CFAP58: variants seen among roughly 807,000 people sequenced by gnomAD.
CFAP58 encodes the protein cilia- and flagella-associated protein 58.
CFAP58 carries 88 observed loss-of-function variants against 119.5 expected under a neutral mutation model. That is an observed-to-expected ratio of 0.74 (90% confidence interval 0.62 to 0.88). The LOEUF is 0.88. Ranked by LOEUF, CFAP58 falls within the 40% of genes least tolerant of loss-of-function variation. CFAP58 has a pLI of 0.00. For missense variants in CFAP58, 990 were observed against 1,021.2 expected, an observed-to-expected ratio of 0.97 and a Z score of 0.42; for synonymous variants, 365 against 366.3, an observed-to-expected ratio of 1.00 and a Z score of 0.04.
rs199575748 is a variant in CFAP58, at chr10:104,438,337, T to TG, written c.2257-9361_2257-9360insG. ...TGGGAATTTTTATTGTTTTTTTGTT[T>TG]TTTGTTTTTTGTTTTTTTTTTTTGT... On this transcript the variant is annotated intron_variant, in intron 15 of 17. Coordinates refer to ENST00000369704, the MANE Select transcript of CFAP58 (RefSeq NM_001008723.2). Among the ~76,000 whole-genome samples, 1,343 of 133,648 alleles carry TG rather than the reference T, an allele frequency of 0.01. 49 individuals are homozygous for TG. The East Asian group carries it at 0.11, about 11-fold the overall frequency. The allele number at this position is 133,648 out of a possible 152,430, so 87.7% of individuals were successfully genotyped here. A position where few individuals can be genotyped will look rare whatever the true frequency, so the allele number is the denominator to read the frequency against.
intron 11 of CFAP58, among the ~76,000 whole-genome samples, chr10:104,396,766 G>A (rs552478856): frequency 1.9e-4 from 29 of 152,180 alleles, no homozygotes; most frequent in Non-Finnish European, 3.7e-4. Context: ...GAAACCTCAG[G>A]TCCCACCTAG....
At chr10:104,375,478 G>A (rs1004136513) in intron 7 of CFAP58, among the ~76,000 whole-genome samples, 10 of 152,150 alleles carry the variant, frequency 6.6e-5, no homozygotes, top group African/African-American at 2.4e-4. Flanking sequence ...CAGCAGTTTG[G>A]CAGGTTGAGA....
chr10:104,356,775 A>G (rs1268428272), intron 1 of CFAP58, among the ~76,000 whole-genome samples: 11 of 152,130 alleles, frequency 7.2e-5, no homozygotes, highest in African/African-American at 2.7e-4. Flanking sequence ...CTATGCTTTC[A>G]TTAACTGCAT....
intron 15 of CFAP58, among the ~76,000 whole-genome samples, chr10:104,443,728 A>G (rs181423709): frequency 7.9e-4 from 121 of 152,246 alleles, no homozygotes; most frequent in South Asian, 1.9e-3. Flanking sequence ...GAGAAACTCA[A>G]TTTCTCCCTC....
intron 15 of CFAP58, 53 bp from the exon 16 acceptor site, chr10:104,447,645 T>C (rs2013130504): frequency 6.2e-7 from 1 of 1,601,296 alleles, no homozygotes; most frequent in Non-Finnish European, 8.5e-7. Context: ...AAAGGCATTT[T>C]CCCTGTTTTG....
At position 104,399,381 on chromosome 10, in the gene CFAP58, C is replaced by T. The variant is rs544826621; in HGVS notation, c.1696C>T (p.Gln566Ter). ...TLKAELQKLR[Q>*]QALETKHFIE... is the part of the protein sequence containing the mutation. ...TCAGGCTGAGCTGCAGAAGCTGAGA[C>T]AACAAGCCCTGGAGACAAAACACTT... The change falls in exon 12 of 18, where the codon CAA becomes TAA. Residue 566 changes from glutamine (Q) to a stop codon, truncating the protein, a stop_gained. Coordinates refer to ENST00000369704, the MANE Select transcript of CFAP58 (RefSeq NM_001008723.2). LOFTEE classifies it high-confidence loss of function. 1 of 1,613,734 alleles carries T rather than the reference C, an allele frequency of 6.2e-7. No individual in the cohort carries two copies. Among genetic ancestry groups the T allele is most frequent in the East Asian group, 2.2e-5 (1 of 44,864 alleles).
At chr10:104,353,759 C>A (rs2014500207), upstream of CFAP58, 3 of 963,298 alleles carry the variant, frequency 3.1e-6, no homozygotes, top group South Asian at 1.6e-5. Flanking sequence ...AGGCGACGGG[C>A]CGACGCGCCG....
At chr10:104,346,194 G>C in the CFAP58 span, among the ~76,000 whole-genome samples, 4 of 151,978 alleles carry the variant, frequency 2.6e-5, no homozygotes, top group Non-Finnish European at 5.9e-5. Flanking sequence ...TGAACTGTTA[G>C]AGTGAGAACT....
chr10:104,401,118 T>A (rs1205361822), intron 13 of CFAP58, among the ~76,000 whole-genome samples: 1 of 152,150 alleles, frequency 6.6e-6, no homozygotes, highest in Non-Finnish European at 1.5e-5. Flanking sequence ...CAGCTTCCTT[T>A]CGGGGGGGTA....
chr10:104,417,787 A>T (rs1391081970), intron 15 of CFAP58, among the ~76,000 whole-genome samples: 1 of 152,210 alleles, frequency 6.6e-6, no homozygotes, highest in Admixed American at 6.5e-5. Flanking sequence ...GATGAGGCTA[A>T]TGCTGCTGTT....
chr10:104,417,073 T>A (rs2012566174), intron 15 of CFAP58, among the ~76,000 whole-genome samples: 2 of 152,216 alleles, frequency 1.3e-5, no homozygotes, highest in Non-Finnish European at 2.9e-5. Context: ...AATCTGCATT[T>A]TAAGCAGATC....
chr10:104,357,720 C>G (rs904986344), intron 1 of CFAP58, among the ~76,000 whole-genome samples: 4 of 150,780 alleles, frequency 2.7e-5, no homozygotes, highest in Non-Finnish European at 4.4e-5. Flanking sequence ...CATATATATC[C>G]CAATGCATAT....
At position 104,357,896 on chromosome 10, in the gene CFAP58, T is replaced by C. The variant is rs911814216; in HGVS notation, c.10-445T>C. Among the ~76,000 whole-genome samples the C allele has an allele frequency of 1.8e-4, 22 of 120,278 alleles. 1 individual carries two copies. The highest frequency in any genetic ancestry group is 2.3e-4 in the Non-Finnish European group (14 of 60,098). The allele number at this position is 120,278 out of a possible 152,430, so 78.9% of individuals were successfully genotyped here. A position where few individuals can be genotyped will look rare whatever the true frequency, so the allele number is the denominator to read the frequency against. On this transcript the variant is annotated intron_variant, in intron 1 of 17. Coordinates refer to ENST00000369704, the MANE Select transcript of CFAP58 (RefSeq NM_001008723.2). ...ATATATGTACACATATATAAACATA[T>C]ATGTACACATATACACACATATATG...
At chr10:104,431,055 A>C (rs2012837684) in intron 15 of CFAP58, among the ~76,000 whole-genome samples, 1 of 152,228 alleles carries the variant, frequency 6.6e-6, no homozygotes, top group Non-Finnish European at 1.5e-5. Flanking sequence ...GTTGGGTACC[A>C]GTTTGGCTAC....
intron 2 of CFAP58, among the ~76,000 whole-genome samples, chr10:104,360,583 A>G (rs2014653304): frequency 1.3e-5 from 2 of 152,170 alleles, no homozygotes; most frequent in African/African-American, 4.8e-5. Flanking sequence ...ATCACCAGGT[A>G]TTAAGCCTAG....
At chr10:104,426,058 C>A (rs928625099) in intron 15 of CFAP58, among the ~76,000 whole-genome samples, 1 of 152,080 alleles carries the variant, frequency 6.6e-6, no homozygotes, top group Non-Finnish European at 1.5e-5. Flanking sequence ...ATGGCAAAAA[C>A]CTGTTTCTAT....
chr10:104,384,026 A>C (rs1321547706), intron 9 of CFAP58, among the ~76,000 whole-genome samples: 2 of 152,252 alleles, frequency 1.3e-5, no homozygotes, highest in African/African-American at 4.8e-5. Flanking sequence ...AACATAATTT[A>C]TAATAATGAG....
chr10:104,429,690 A>T (rs1420735352), intron 15 of CFAP58, among the ~76,000 whole-genome samples: 2 of 152,140 alleles, frequency 1.3e-5, no homozygotes, highest in African/African-American at 4.8e-5. Flanking sequence ...TCTTAAGTAA[A>T]AAACAACTCA....
In CFAP58 at chr10:104,393,406, CAA is replaced by C; in HGVS notation, c.1607_1608del (p.Lys536ArgfsTer24). 1 of 1,613,992 alleles carries C rather than the reference CAA, an allele frequency of 6.2e-7. No homozygotes were observed. Among genetic ancestry groups the C allele is most frequent in the Non-Finnish European group, 8.5e-7 (1 of 1,179,934 alleles). ...ATGAGCTGAAAGAAGACATCTCTGC[CAA>C]AGAGTCCGCACTTGTGAAGCTGCAC... ...VDELKEDISAKESALVKLHLE... is the reference protein window; with the variant it reads ...VDELKEDISAXESALVKLHLE... On this transcript the variant is annotated frameshift_variant, in exon 11 of 18. Coordinates refer to ENST00000369704, the MANE Select transcript of CFAP58 (RefSeq NM_001008723.2). LOFTEE classifies it high-confidence loss of function.
Sources: gnomAD v4.1 joint callset for allele counts (sites outside exome capture counted in the v4.1 genomes callset) on GRCh38, gnomAD v4.1.1 for gene constraint, MANE v1.5 for transcripts, NCBI Gene and HGNC (gene_info 2026-07-23, HGNC 2026-07-21) for gene names.